The following COL25A1 variants were observed in gnomAD, a reference collection of about 807,000 sequenced individuals.
COL25A1 encodes the protein collagen alpha-1(XXV) chain.
COL25A1 carries 103 observed loss-of-function variants against 128.4 expected under a neutral mutation model. The observed-to-expected ratio is 0.80, with a 90% confidence interval of 0.68 to 0.94. The LOEUF (loss-of-function observed/expected upper bound fraction) is 0.94. Ranked by LOEUF, COL25A1 falls within the 40% of genes least tolerant of loss-of-function variation. COL25A1 has a pLI of 0.00. For synonymous variants in COL25A1, 279 were observed against 277.2 expected (o/e 1.01, Z -0.06); for missense variants, 745 against 840.0 (o/e 0.89, Z 1.40).
rs750738801 is a variant in COL25A1, at chr4:108,819,243, A to G, written c.1923+9T>C. On this transcript the variant is annotated intron_variant, in intron 36 of 37. Transcript: ENST00000399132. ...GCATGCAGGGTGGTAGGAAAGAGAA[A>G]TACTGTACCAATTGGCAAGGGGCAT... 1 of 1,601,280 alleles carries G rather than the reference A, an allele frequency of 6.2e-7. No individual in the cohort carries two copies. The highest frequency in any genetic ancestry group is 1.1e-5 in the South Asian group (1 of 89,648).
chr4:108,939,876 T>C (rs1747877808), intron 10 of COL25A1, among the ~76,000 whole-genome samples: 1 of 152,188 alleles, frequency 6.6e-6, no homozygotes, highest in Non-Finnish European at 1.5e-5. Context: ...TCATTGACAC[T>C]TGACCAATCT....
chr4:108,966,548 A>G (rs1480270797), intron 8 of COL25A1, among the ~76,000 whole-genome samples: 2 of 152,110 alleles, frequency 1.3e-5, no homozygotes, highest in Non-Finnish European at 2.9e-5. Flanking sequence ...TCAGAAAAAT[A>G]AAAAATCATA....
rs763310514 is a variant in COL25A1, at chr4:108,904,425, G to T, written c.781-3253C>A. 4.7e-4 allele frequency among the ~76,000 whole-genome samples: 72 copies of T among 152,148 alleles called. 2 individuals are homozygous for T. Among genetic ancestry groups the T allele is most frequent in the South Asian group, 2.5e-3 (12 of 4,824 alleles). ...CATGAAGTAAGAAGCATAATAAATA[G>T]AAAACAACAAGAAGTCTTGCTGAGG... is the stretch of plus-strand genomic sequence containing the variant. On this transcript the variant is annotated intron_variant, in intron 13 of 37. Coordinates refer to ENST00000399132, the MANE Select transcript of COL25A1 (RefSeq NM_198721.4).
At chr4:109,072,955 T>C (rs1763098536) in intron 3 of COL25A1, among the ~76,000 whole-genome samples, 1 of 152,172 alleles carries the variant, frequency 6.6e-6, no homozygotes, top group South Asian at 2.1e-4. Flanking sequence ...TAATGGCTTA[T>C]TCCATTCCTC....
chr4:109,280,675 C>A (rs1323442513), intron 3 of COL25A1, among the ~76,000 whole-genome samples: 1 of 150,516 alleles, frequency 6.6e-6, no homozygotes, highest in Non-Finnish European at 1.5e-5. Context: ...TTTTTTGAGA[C>A]AGAGTCTTGC....
chr4:108,832,633 A>C, intron 31 of COL25A1, 200 bp from the exon 32 acceptor site: 1 of 469,586 alleles, frequency 2.1e-6, no homozygotes, highest in Non-Finnish European at 3.7e-6. Context: ...ATATAACTGC[A>C]TGTTTCAATG....
intron 31 of COL25A1, chr4:108,838,195 A>C: frequency 6.5e-7 from 1 of 1,545,902 alleles, no homozygotes; most frequent in Non-Finnish European, 8.7e-7. Context: ...GCAAAAGCAA[A>C]TGCCAATTTT....
At position 109,250,077 on chromosome 4, in the gene COL25A1, GA is replaced by G. The variant is rs756177069; in HGVS notation, c.367+50505del. On this transcript the variant is annotated intron_variant, in intron 3 of 37. Transcript: ENST00000399132. ...TTATGTAGAAAGAGTAATAGCTTAAGAGTTTGAAGACCTAGATTCTAGGCCC... is the reference window on the plus strand; with the variant it reads ...TTATGTAGAAAGAGTAATAGCTTAAGGTTTGAAGACCTAGATTCTAGGCCC... Among the ~76,000 whole-genome samples the G allele has an allele frequency of 5.9e-4, 90 of 152,200 alleles. No individual in the cohort carries two copies. The Middle Eastern group carries it at 0.01, about 17-fold the overall frequency.
intron 8 of COL25A1, among the ~76,000 whole-genome samples, chr4:108,973,985 G>C (rs1211945060): frequency 6.6e-6 from 1 of 152,174 alleles, no homozygotes; most frequent in African/African-American, 2.4e-5. Flanking sequence ...GCAATAGCAC[G>C]TAAGGTTTAA....
chr4:109,176,456 C>A (rs1323628550), intron 3 of COL25A1, among the ~76,000 whole-genome samples: 1 of 152,042 alleles, frequency 6.6e-6, no homozygotes, highest in Non-Finnish European at 1.5e-5. Flanking sequence ...AGGGAGAACA[C>A]TGATAATTGA....
At chr4:109,258,868 T>C (rs2126253068) in intron 3 of COL25A1, among the ~76,000 whole-genome samples, 1 of 152,338 alleles carries the variant, frequency 6.6e-6, no homozygotes, top group South Asian at 2.1e-4. Context: ...AATATAATCA[T>C]TAAAATTCCA....
intron 8 of COL25A1, among the ~76,000 whole-genome samples, chr4:108,952,896 C>A (rs904873366): frequency 7.4e-6 from 1 of 135,360 alleles, no homozygotes; most frequent in African/African-American, 2.7e-5. Context: ...AAGTGTCCTG[C>A]CATTCTCTGG....
intron 17 of COL25A1, among the ~76,000 whole-genome samples, 161 bp from the exon 18 acceptor site, chr4:108,889,417 A>AT (rs34358532): frequency 0.039 from 5,096 of 130,428 alleles, 249 homozygotes; most frequent in African/African-American, 0.12. Flanking sequence ...AGACATACGG[A>AT]TTTTTTTTTT....
At chr4:108,969,960 C>A (rs1170398881) in intron 8 of COL25A1, among the ~76,000 whole-genome samples, 1 of 152,094 alleles carries the variant, frequency 6.6e-6, no homozygotes, top group Non-Finnish European at 1.5e-5. Context: ...GGAGTGCAAT[C>A]ATGCTATCTT....
intron 3 of COL25A1, among the ~76,000 whole-genome samples, chr4:109,250,906 T>A (rs1780602101): frequency 6.6e-6 from 1 of 152,170 alleles, no homozygotes; most frequent in African/African-American, 2.4e-5. Context: ...TTAAAGACAA[T>A]AACAAGGTTA....
chr4:108,930,775 T>C (rs764026411), intron 11 of COL25A1, among the ~76,000 whole-genome samples: 2 of 152,140 alleles, frequency 1.3e-5, no homozygotes, highest in African/African-American at 2.4e-5. Flanking sequence ...TCTGTAAAGG[T>C]TGGGGGATAG....
intron 24 of COL25A1, among the ~76,000 whole-genome samples, chr4:108,858,313 C>T (rs1736758481): frequency 6.6e-6 from 1 of 151,488 alleles, no homozygotes; most frequent in African/African-American, 2.4e-5. Context: ...GGGAAAGAGT[C>T]ATTGGTCAAG....
intron 3 of COL25A1, among the ~76,000 whole-genome samples, chr4:109,079,859 T>C (rs1357979843): frequency 6.9e-6 from 1 of 145,370 alleles, no homozygotes; most frequent in Admixed American, 7.8e-5. Flanking sequence ...CTGAAATAAT[T>C]AGAGACTACA....
intron 3 of COL25A1, among the ~76,000 whole-genome samples, chr4:109,235,553 C>A (rs1368895116): frequency 6.6e-6 from 1 of 151,594 alleles, no homozygotes; most frequent in South Asian, 2.1e-4. Flanking sequence ...CGAATACACA[C>A]ACACACACAC....
Sources: allele counts gnomAD v4.1 joint callset (sites outside exome capture counted in the v4.1 genomes callset), GRCh38; gene constraint gnomAD v4.1.1; transcripts MANE v1.5; gene names NCBI Gene and HGNC (gene_info 2026-07-23, HGNC 2026-07-21).